The following BTN2A1 variants were observed in gnomAD, a reference collection of about 807,000 sequenced individuals.
The protein encoded by BTN2A1 is butyrophilin subfamily 2 member A1, also known as butyrophilin, subfamily 2, member A1.
A neutral mutation model predicts 34.5 loss-of-function variants in BTN2A1; 41 were observed. The observed-to-expected ratio is 1.19, with a 90% CI of 0.93 to 1.54. The LOEUF (loss-of-function observed/expected upper bound fraction) is 1.54, where lower values mean the gene tolerates loss of function less well. Among genes scored for constraint, BTN2A1 ranks in the 40% most tolerant of loss-of-function variants. The pLI is 0.00. For missense variants in BTN2A1, 642 were observed against 662.0 expected (o/e 0.97, Z 0.33); for synonymous variants, 267 against 258.6 (o/e 1.03, Z -0.31).
At chr6:26,471,648 GAGAA>G (rs1379381599), downstream of BTN2A1, among the ~76,000 whole-genome samples, 1 of 148,356 alleles carries the variant, frequency 6.7e-6, no homozygotes, top group Non-Finnish European at 1.5e-5. Flanking sequence ...AGAAAAGAGA[GAGAA>G]GGAAGGAAGG....
exon 8 of BTN2A1, chr6:26,476,132 A>T (rs529077604): frequency 6.5e-7 from 1 of 1,536,192 alleles, no homozygotes; most frequent in South Asian, 1.2e-5. Context: ...GGCCAGTTTG[A>T]AGCTTTATAT....
Position 26,468,744 on chromosome 6 carries a change from T to A in BTN2A1, c.*195T>A. ...CCTCACTAGGCTGTGTTTTTAGTAG[T>A]TCCTTTGCTTGTAACTATGGGATGG... On this transcript the variant is annotated 3_prime_UTR_variant, in exon 8 of 8. Transcript: ENST00000312541. 1 of 1,610,836 alleles carries A rather than the reference T, an allele frequency of 6.2e-7. No homozygotes were observed. The highest frequency in any genetic ancestry group is 2.2e-5 in the East Asian group (1 of 44,722).
chr6:26,465,032 G>C (rs955602186), intron 4 of BTN2A1, among the ~76,000 whole-genome samples, 153 bp from the exon 5 acceptor site: 24 of 152,212 alleles, frequency 1.6e-4, no homozygotes, highest in African/African-American at 5.1e-4. Context: ...TGTCAGCCAG[G>C]TGTGAGCCAG....
At chr6:26,465,889 A>G in intron 5 of BTN2A1, 64 bp from the exon 6 acceptor site, 1 of 1,612,152 alleles carries the variant, frequency 6.2e-7, no homozygotes, top group South Asian at 1.1e-5. Context: ...TGCATTGTTT[A>G]CTAAAAACCC....
At chr6:26,464,018 T>C (rs1763245284) in intron 4 of BTN2A1, among the ~76,000 whole-genome samples, 1 of 152,122 alleles carries the variant, frequency 6.6e-6, no homozygotes, top group South Asian at 2.1e-4. Context: ...ACCAGGCTGT[T>C]CTCGAACTCC....
At position 26,465,945 on chromosome 6, in the gene BTN2A1, T is replaced by C. The variant is rs777900547; in HGVS notation, c.935-8T>C. 6.2e-7 allele frequency: 1 copy of C among 1,614,218 alleles called. No homozygotes were observed. The highest frequency in any genetic ancestry group is 1.1e-5 in the South Asian group (1 of 91,082). ...TCAAAGACATGATTTTCTTTGTTTG[T>C]TTTTCAGAGAAACTTCAAGAAGAAT... On this transcript the variant is annotated splice_region_variant and splice_polypyrimidine_tract_variant and intron_variant, in intron 5 of 7. Coordinates refer to ENST00000312541, the MANE Select transcript of BTN2A1 (RefSeq NM_007049.5).
downstream of BTN2A1, among the ~76,000 whole-genome samples, chr6:26,474,628 G>A (rs1214796314): frequency 6.6e-6 from 1 of 152,134 alleles, no homozygotes; most frequent in East Asian, 1.9e-4. Flanking sequence ...TGAGGATGGA[G>A]AGGGTAGAAT....
intron 3 of BTN2A1, 114 bp downstream of exon 3, chr6:26,459,942 C>CACAGGGAGATTCCACAGGGA: frequency 1.0e-6 from 1 of 961,422 alleles, no homozygotes; most frequent in Non-Finnish European, 1.5e-6. Context: ...ACTCCCTTTT[C>CACAGGGAGATTCCACAGGGA]CACTCTCCCT....
chr6:26,466,916 C>G (rs1182681450), intron 7 of BTN2A1, among the ~76,000 whole-genome samples: 1 of 152,078 alleles, frequency 6.6e-6, no homozygotes, highest in Non-Finnish European at 1.5e-5. Flanking sequence ...GCAGAATGCC[C>G]GGAGTCTGGA....
In BTN2A1 at chr6:26,468,734, T is replaced by G. The variant is rs1345008721; in HGVS notation, c.*185T>G. 4 of 1,612,002 alleles carry G rather than the reference T, an allele frequency of 2.5e-6. No individual in the cohort carries two copies. The Admixed American group carries it at 6.7e-5, about 27-fold the overall frequency. ...GTTTTCTCCTCCTCACTAGGCTGTG[T>G]TTTTAGTAGTTCCTTTGCTTGTAAC... On this transcript the variant is annotated 3_prime_UTR_variant, in exon 8 of 8. Transcript: ENST00000312541.
chr6:26,459,375 A>G (rs1763096418), intron 2 of BTN2A1, 106 bp from the exon 3 acceptor site: 1 of 1,173,590 alleles, frequency 8.5e-7, no homozygotes, highest in Non-Finnish European at 1.2e-6. Context: ...AAGAGACCCT[A>G]TGGCCATGGA....
At chr6:26,467,098 A>C (rs1237355200) in intron 7 of BTN2A1, among the ~76,000 whole-genome samples, 1 of 152,188 alleles carries the variant, frequency 6.6e-6, no homozygotes, top group Non-Finnish European at 1.5e-5. Flanking sequence ...TGCCCTTGTT[A>C]GTCATTTAAG....
At chr6:26,464,939 G>A (rs1054737803) in intron 4 of BTN2A1, among the ~76,000 whole-genome samples, 17 of 152,328 alleles carry the variant, frequency 1.1e-4, no homozygotes, top group Middle Eastern at 6.8e-3. Context: ...GACTCAGCAT[G>A]ACGGGTTAGC....
At chr6:26,471,844 CAT>C (rs1239619770), downstream of BTN2A1, among the ~76,000 whole-genome samples, 1 of 152,136 alleles carries the variant, frequency 6.6e-6, no homozygotes, top group Non-Finnish European at 1.5e-5. Context: ...CAGAGTAGTC[CAT>C]TGAATAACCA....
At chr6:26,470,591 A>T (rs1763432409), downstream of BTN2A1, among the ~76,000 whole-genome samples, 7 of 152,192 alleles carry the variant, frequency 4.6e-5, no homozygotes, top group Admixed American at 4.6e-4. Context: ...TGAGTGGAAG[A>T]GATCTGCCAT....
chr6:26,458,986 ATATTT>A (rs2113853451), intron 2 of BTN2A1, among the ~76,000 whole-genome samples: 1 of 152,322 alleles, frequency 6.6e-6, no homozygotes, highest in African/African-American at 2.4e-5. Context: ...TTTGTATACT[ATATTT>A]TGTTTCGCCC....
intron 3 of BTN2A1, among the ~76,000 whole-genome samples, chr6:26,461,535 C>T (rs1763163897): frequency 6.6e-6 from 1 of 152,220 alleles, no homozygotes; most frequent in Non-Finnish European, 1.5e-5. Context: ...GTAATCCTAG[C>T]ATTTTGGGAG....
At chr6:26,463,866 A>G (rs532663039) in intron 4 of BTN2A1, among the ~76,000 whole-genome samples, 1 of 152,000 alleles carries the variant, frequency 6.6e-6, no homozygotes, top group East Asian at 1.9e-4. Context: ...CAGTGGCACA[A>G]TCTTGGCTCA....
At chr6:26,465,055 C>A (rs1293165808) in intron 4 of BTN2A1, 130 bp from the exon 5 acceptor site, 10 of 765,786 alleles carry the variant, frequency 1.3e-5, no homozygotes, top group Admixed American at 7.9e-5. Context: ...TCACTTTCTC[C>A]ATCTGAGTTT....
Sources: allele counts gnomAD v4.1 joint callset (sites outside exome capture counted in the v4.1 genomes callset), GRCh38; gene constraint gnomAD v4.1.1; transcripts MANE v1.5; gene names NCBI Gene and HGNC (gene_info 2026-07-23, HGNC 2026-07-21).